The following ZNF469 variants were observed in gnomAD, a reference collection of about 807,000 sequenced individuals.
The protein encoded by ZNF469 is zinc finger protein 469.
A neutral mutation model predicts 1.0 loss-of-function variants in ZNF469; 1 was observed. The observed-to-expected ratio is 1.00, with a 90% CI of 0.35 to 4.73. The LOEUF is 4.73. Ranked by LOEUF, ZNF469 falls within the 30% of genes most tolerant of loss-of-function variation. The pLI is 0.16. For missense variants in ZNF469, 6,100 were observed against 5,356.3 expected (o/e 1.14, Z -4.33); for synonymous variants, 2,703 against 2,363.4 (o/e 1.14, Z -4.17).
chr16:88,121,411 G>A, the ZNF469 span, among the ~76,000 whole-genome samples: 2,658 of 152,314 alleles, frequency 0.017, 31 homozygotes, highest in African/African-American at 0.024. Context: ...GTCATGAGCC[G>A]AACATTTCAG....
rs754238957 is a variant in ZNF469, at chr16:88,432,484, C to T, written c.5014C>T (p.Leu1672Phe). The T allele has an allele frequency of 7.2e-5, 112 of 1,550,280 alleles. No individual in the cohort carries two copies. Among genetic ancestry groups the T allele is most frequent in the Non-Finnish European group, 9.4e-5 (108 of 1,147,004 alleles). The stretch of plus-strand genomic sequence containing the variant: ...CTTCCATCCGGGACATGCAGCCCTT[C>T]TCCCCTGTGCCCAGGAAGACCTGGT... ...ASFHPGHAAL[L>F]PCAQEDLVSG... The change falls in exon 3 of 3, where the codon CTC becomes TTC. Residue 1672 changes from leucine (L) to phenylalanine (F), a missense_variant. Transcript: ENST00000565624.
At chr16:88,425,721 A>G (rs956101169) in intron 2 of ZNF469, among the ~76,000 whole-genome samples, 5 of 152,166 alleles carry the variant, frequency 3.3e-5, no homozygotes, top group African/African-American at 1.2e-4. Context: ...TCCTGGCCCC[A>G]AGGACTCCCA....
chr16:88,338,701 G>C, the ZNF469 span, among the ~76,000 whole-genome samples: 5 of 152,188 alleles, frequency 3.3e-5, no homozygotes, highest in Non-Finnish European at 4.4e-5. Flanking sequence ...ATGAGATCAG[G>C]CTGGTGTCCT....
At chr16:88,376,666 G>GT in the ZNF469 span, among the ~76,000 whole-genome samples, 1 of 152,378 alleles carries the variant, frequency 6.6e-6, no homozygotes, top group Non-Finnish European at 1.5e-5. Flanking sequence ...GGCTGAGCGT[G>GT]TCTGGAGAGA....
rs753082153 is a variant in ZNF469 at position 88,435,961 on chromosome 16, G to A, written c.8491G>A (p.Val2831Ile). 56 of 1,550,034 alleles carry A rather than the reference G, an allele frequency of 3.6e-5. 1 individual carries two copies. In the South Asian group the frequency reaches 6.3e-4, roughly 17 times the overall value. ...GGACAACCCAGACACCCAGGGTGGA[G>A]TCCAGGGGCCTGAAGGCCCCACTCC... Reference protein sequence around the residue: ...LPDNPDTQGGVQGPEGPTPDA... With the variant: ...LPDNPDTQGGIQGPEGPTPDA... The change falls in exon 3 of 3, where the codon GTC (valine) becomes ATC (isoleucine). Residue 2831 changes from valine (V) to isoleucine (I), a missense_variant. Coordinates refer to ENST00000565624, the MANE Select transcript of ZNF469 (RefSeq NM_001367624.2).
the ZNF469 span, among the ~76,000 whole-genome samples, chr16:88,191,941 A>G: frequency 1.3e-5 from 2 of 152,198 alleles, no homozygotes; most frequent in Admixed American, 1.3e-4. Flanking sequence ...CCTAACACCC[A>G]GCGTGATGGT....
chr16:88,310,072 C>T, the ZNF469 span, among the ~76,000 whole-genome samples: 19 of 152,096 alleles, frequency 1.2e-4, no homozygotes, highest in East Asian at 3.9e-4. Flanking sequence ...AGAGGGAGGG[C>T]GCTATGGGGA....
chr16:88,271,590 G>A, the ZNF469 span, among the ~76,000 whole-genome samples: 1 of 140,018 alleles, frequency 7.1e-6, no homozygotes, highest in African/African-American at 2.5e-5. Context: ...CATCCAGGGG[G>A]CCAGGCCCCA....
upstream of ZNF469, among the ~76,000 whole-genome samples, chr16:88,381,310 G>T (rs1457609332): frequency 2.2e-5 from 3 of 133,412 alleles, no homozygotes; most frequent in Non-Finnish European, 4.7e-5. Context: ...ATGCACTCAT[G>T]CACTCACACA....
Position 88,434,281 on chromosome 16 carries a change from C to T in ZNF469, c.6811C>T (p.Pro2271Ser). Reference sequence around the variant, plus strand: ...GGAGTCTCCTGGCCGAGCCACCTCTCCTCCTCTGGCAGGGGCCGTCTCCCC... The same window carrying T: ...GGAGTCTCCTGGCCGAGCCACCTCTTCTCCTCTGGCAGGGGCCGTCTCCCC... ...LWESPGRATSPPLAGAVSPSV... is the reference protein window; with the variant it reads ...LWESPGRATSSPLAGAVSPSV... Residue 2271 changes from proline (P) to serine (S), a missense_variant, in exon 3 of 3, where the codon CCT becomes TCT. By Grantham distance (74) the Pro-to-Ser change is moderately conservative (BLOSUM62 -1). Transcript: ENST00000565624. 2.6e-6 allele frequency: 4 copies of T among 1,550,382 alleles called. No homozygotes were observed. The East Asian group carries it at 7.3e-5, about 28-fold the overall frequency.
chr16:88,145,662 A>T, the ZNF469 span, among the ~76,000 whole-genome samples: 2 of 152,186 alleles, frequency 1.3e-5, no homozygotes, highest in Non-Finnish European at 2.9e-5. Context: ...CCAGAGCTGG[A>T]TGTTGTGTCC....
the ZNF469 span, among the ~76,000 whole-genome samples, chr16:88,240,273 T>G: frequency 5.3e-5 from 8 of 152,262 alleles, 1 homozygote; most frequent in African/African-American, 1.9e-4. Context: ...CCTTCAGAAA[T>G]GAGTCACTTA....
chr16:88,412,308 C>T (rs1905193662), intron 1 of ZNF469, among the ~76,000 whole-genome samples: 1 of 152,246 alleles, frequency 6.6e-6, no homozygotes, highest in Non-Finnish European at 1.5e-5. Flanking sequence ...TTCCCAGTGC[C>T]CTCTCCACAG....
chr16:88,269,419 G>A, the ZNF469 span, among the ~76,000 whole-genome samples: 1 of 152,184 alleles, frequency 6.6e-6, no homozygotes, highest in Admixed American at 6.5e-5. Flanking sequence ...TAGAACTGGT[G>A]TTTCCCACAG....
the ZNF469 span, among the ~76,000 whole-genome samples, chr16:88,220,130 C>G: frequency 1.3e-5 from 2 of 152,142 alleles, no homozygotes; most frequent in African/African-American, 4.8e-5. Flanking sequence ...AGCCATGGCC[C>G]CATGGTGGCC....
the ZNF469 span, among the ~76,000 whole-genome samples, chr16:88,360,726 G>A: frequency 3.0e-3 from 393 of 132,292 alleles, no homozygotes; most frequent in Non-Finnish European, 4.8e-3. Flanking sequence ...CCCAGACAGC[G>A]CCCGCATGCT....
chr16:88,295,751 C>A, the ZNF469 span, among the ~76,000 whole-genome samples: 1 of 152,184 alleles, frequency 6.6e-6, no homozygotes. Context: ...CTTAGCAGTG[C>A]GAGGATGGCT....
chr16:88,372,104 TCACCATCACCACCATC>T, the ZNF469 span, among the ~76,000 whole-genome samples: 42,355 of 108,896 alleles, frequency 0.39, 5,806 homozygotes, highest in Middle Eastern at 0.47. Flanking sequence ...ACCACCATCA[TCACCATCACCACCATC>T]ATCACCATCA....
chr16:88,249,313 G>A, the ZNF469 span, among the ~76,000 whole-genome samples: 3 of 149,918 alleles, frequency 2.0e-5, no homozygotes, highest in Admixed American at 1.3e-4. Context: ...CTGTAGTCTC[G>A]AACTCCTGGG....
Sources: allele counts gnomAD v4.1 joint callset (sites outside exome capture counted in the v4.1 genomes callset), GRCh38; gene constraint gnomAD v4.1.1; transcripts MANE v1.5; gene names NCBI Gene and HGNC (gene_info 2026-07-23, HGNC 2026-07-21).